FMN1: variants seen among roughly 807,000 people sequenced by gnomAD.
The protein encoded by FMN1 is formin-1.
A neutral mutation model predicts 132.4 loss-of-function variants in FMN1; 110 were observed. That is an observed-to-expected ratio of 0.83 (90% CI 0.71 to 0.97). FMN1 has a LOEUF of 0.97. FMN1 is among the 50% of genes least tolerant of loss of function. FMN1 has a pLI of 0.00. For missense variants in FMN1, 1,792 were observed against 1,705.3 expected, an observed-to-expected ratio of 1.05 and a Z score of -0.90; for synonymous variants, 722 against 651.7, an observed-to-expected ratio of 1.11 and a Z score of -1.64.
At chr15:33,131,181 T>C (rs1361491946) in intron 4 of FMN1, among the ~76,000 whole-genome samples, 1 of 151,890 alleles carries the variant, frequency 6.6e-6, no homozygotes, top group African/African-American at 2.4e-5. Context: ...TACAAAAAAT[T>C]AGCTAGGTGT....
At chr15:33,083,965 C>G (rs2038590009) in intron 5 of FMN1, among the ~76,000 whole-genome samples, 1 of 152,142 alleles carries the variant, frequency 6.6e-6, no homozygotes, top group Admixed American at 6.6e-5. Context: ...AGTGCCATGA[C>G]AGTTTGCAAA....
intron 17 of FMN1, among the ~76,000 whole-genome samples, chr15:32,825,768 G>C (rs2058348637): frequency 6.6e-6 from 1 of 152,144 alleles, no homozygotes; most frequent in South Asian, 2.1e-4. Context: ...CTATTATACA[G>C]TTGTCTGTTT....
chr15:32,782,702 C>G (rs1025681700), intron 19 of FMN1, among the ~76,000 whole-genome samples: 2 of 152,230 alleles, frequency 1.3e-5, no homozygotes, highest in Admixed American at 6.5e-5. Context: ...CACGCTCAAC[C>G]TCCTCATTGT....
At chr15:32,804,358 A>C in intron 17 of FMN1, 26 bp from the exon 18 acceptor site, 12 of 1,482,422 alleles carry the variant, frequency 8.1e-6, no homozygotes, top group Non-Finnish European at 1.0e-5. Context: ...CATGATTAAA[A>C]ATTTTTTCTT....
intron 4 of FMN1, among the ~76,000 whole-genome samples, chr15:33,107,249 C>G (rs1262112923): frequency 6.6e-6 from 1 of 152,040 alleles, no homozygotes; most frequent in Non-Finnish European, 1.5e-5. Flanking sequence ...CCACCTCAGT[C>G]TACGCCACTA....
chr15:32,977,134 C>G (rs2032274491), intron 7 of FMN1, among the ~76,000 whole-genome samples: 1 of 152,170 alleles, frequency 6.6e-6, no homozygotes, highest in Non-Finnish European at 1.5e-5. Flanking sequence ...CCACCTCTTA[C>G]AATGCATTTG....
chr15:33,108,257 ACTC>A (rs2039561072), intron 4 of FMN1, among the ~76,000 whole-genome samples: 1 of 151,924 alleles, frequency 6.6e-6, no homozygotes, highest in Non-Finnish European at 1.5e-5. Context: ...AAGATATGAA[ACTC>A]AATCAGACAA....
chr15:33,088,664 G>C lies in FMN1; in HGVS notation c.2043+135C>G. On this transcript the variant is annotated intron_variant, in intron 5 of 20. Transcript: ENST00000616417. The stretch of plus-strand genomic sequence containing the variant: ...CCAAGATGCATCTTCATTTTCTGCA[G>C]CCCACTGATTTTTTTTAAACAATGA... 3 of 765,742 alleles carry C rather than the reference G, an allele frequency of 3.9e-6. No homozygotes were observed. The Admixed American group carries it at 1.0e-4, about 25-fold the overall frequency. 47.4% of individuals were successfully genotyped at this position (765,742 alleles called of 1,614,324 possible).
intron 9 of FMN1, among the ~76,000 whole-genome samples, chr15:32,943,152 T>C (rs1224127520): frequency 2.6e-5 from 4 of 152,302 alleles, no homozygotes; most frequent in Non-Finnish European, 5.9e-5. Context: ...GAAACGTTTC[T>C]GGTCTCAACC....
At chr15:33,163,911 C>T (rs776746784) in intron 3 of FMN1, among the ~76,000 whole-genome samples, 47 of 152,122 alleles carry the variant, frequency 3.1e-4, no homozygotes, top group Non-Finnish European at 6.5e-4. Context: ...AGCCACTGCG[C>T]CTGGCCTGTT....
At chr15:33,170,608 A>G (rs1424547576) in intron 3 of FMN1, among the ~76,000 whole-genome samples, 2 of 152,088 alleles carry the variant, frequency 1.3e-5, no homozygotes, top group Non-Finnish European at 2.9e-5. Context: ...ATATTTCTCA[A>G]AAGACATACA....
chr15:33,000,041 C>G (rs576273132), intron 7 of FMN1, among the ~76,000 whole-genome samples: 4 of 152,296 alleles, frequency 2.6e-5, no homozygotes, highest in South Asian at 2.1e-4. Flanking sequence ...GATTAGAGGA[C>G]TACATTCAGA....
intron 19 of FMN1, among the ~76,000 whole-genome samples, chr15:32,780,176 C>T (rs964871595): frequency 5.3e-5 from 8 of 152,198 alleles, no homozygotes; most frequent in African/African-American, 1.7e-4. Flanking sequence ...ACTCCATCTT[C>T]AATAGAAGCT....
intron 17 of FMN1, among the ~76,000 whole-genome samples, chr15:32,813,033 C>CTT (rs201257948): frequency 5.9e-5 from 9 of 151,534 alleles, no homozygotes; most frequent in Non-Finnish European, 1.3e-4. Flanking sequence ...CATATACACG[C>CTT]TTTTTTTTTC....
intron 5 of FMN1, among the ~76,000 whole-genome samples, chr15:33,077,018 C>G (rs2038238828): frequency 6.6e-6 from 1 of 152,154 alleles, no homozygotes; most frequent in African/African-American, 2.4e-5. Context: ...GTAAGTCAGG[C>G]ATTGCCACAG....
At chr15:33,128,988 T>C (rs1239530069) in intron 4 of FMN1, among the ~76,000 whole-genome samples, 1 of 152,108 alleles carries the variant, frequency 6.6e-6, no homozygotes, top group Non-Finnish European at 1.5e-5. Context: ...TTTTACAGAG[T>C]GCTGATTGGT....
chr15:33,079,830 C>CT (rs1004537474), intron 5 of FMN1, among the ~76,000 whole-genome samples: 1 of 151,532 alleles, frequency 6.6e-6, no homozygotes, highest in South Asian at 2.1e-4. Flanking sequence ...AATCAGATTA[C>CT]TTTTTTTTTC....
In FMN1 at chr15:32,771,847, T is replaced by C. The variant is rs1462694108; in HGVS notation, c.*2463A>G. 1 of 152,232 alleles carries C rather than the reference T, an allele frequency of 6.6e-6. No individual in the cohort carries two copies. Among genetic ancestry groups the C allele is most frequent in the Non-Finnish European group, 1.5e-5 (1 of 68,050 alleles). 9.4% of individuals were successfully genotyped at this position (152,232 alleles called of 1,614,324 possible). On this transcript the variant is annotated 3_prime_UTR_variant, in exon 21 of 21. Transcript: ENST00000616417. ...TAGATGAACTTCCTTGAACAAATTG[T>C]CATTGACCTTTACTGAGCATCAATT...
intron 7 of FMN1, among the ~76,000 whole-genome samples, chr15:32,996,801 C>A (rs1472652773): frequency 6.6e-6 from 1 of 152,110 alleles, no homozygotes; most frequent in Non-Finnish European, 1.5e-5. Context: ...TTAGAAGCAG[C>A]AACTAGTACC....
Sources: gnomAD v4.1 joint callset for allele counts (sites outside exome capture counted in the v4.1 genomes callset) on GRCh38, gnomAD v4.1.1 for gene constraint, MANE v1.5 for transcripts, NCBI Gene and HGNC (gene_info 2026-07-23, HGNC 2026-07-21) for gene names.